GRIA4: variants seen among roughly 807,000 people sequenced by gnomAD.
GRIA4 encodes glutamate receptor 4.
GRIA4 carries 34 observed loss-of-function variants against 104.0 expected under a neutral mutation model. That is an observed-to-expected ratio of 0.33 (90% CI 0.25 to 0.44). The LOEUF (loss-of-function observed/expected upper bound fraction) is 0.44, where lower values mean the gene tolerates loss of function less well. Ranked by LOEUF, GRIA4 falls within the 20% of genes least tolerant of loss-of-function variation. The pLI is 1.00. For missense variants in GRIA4, 750 were observed against 1,096.5 expected, an observed-to-expected ratio of 0.68 and a Z score of 4.46; for synonymous variants, 386 against 381.9, an observed-to-expected ratio of 1.01 and a Z score of -0.13.
Position 105,905,261 on chromosome 11 carries a change from C to A in GRIA4, c.1118C>A (p.Thr373Lys). The change falls in exon 9 of 17, where the codon ACA (threonine) becomes AAA (lysine). Residue 373 changes from threonine to lysine, a missense_variant. Physicochemically the swap from Thr to Lys is moderately conservative, Grantham distance 78. Coordinates refer to ENST00000282499, the MANE Select transcript of GRIA4 (RefSeq NM_000829.4). Reference protein sequence around the residue: ...FDHYGRRVNYTMDVFELKSTG... With the variant: ...FDHYGRRVNYKMDVFELKSTG... Reference sequence around the variant, plus strand: ...CACTATGGACGTAGAGTCAATTACACAATGGATGTGTTTGAGCTGAAAAGC... The same window carrying A: ...CACTATGGACGTAGAGTCAATTACAAAATGGATGTGTTTGAGCTGAAAAGC... 6.2e-7 allele frequency: 1 copy of A among 1,607,214 alleles called. No homozygotes were observed. The highest frequency in any genetic ancestry group is 8.5e-7 in the Non-Finnish European group (1 of 1,173,884).
At chr11:105,658,771 C>A (rs541051384) in intron 3 of GRIA4, among the ~76,000 whole-genome samples, 38 of 151,796 alleles carry the variant, frequency 2.5e-4, no homozygotes, top group African/African-American at 9.2e-4. Context: ...GAGGAAATTT[C>A]TAAGAGATGT....
intron 3 of GRIA4, among the ~76,000 whole-genome samples, chr11:105,690,158 A>G (rs1953033602): frequency 6.6e-6 from 1 of 152,112 alleles, no homozygotes; most frequent in Non-Finnish European, 1.5e-5. Context: ...GAAGAAATGC[A>G]ATGCCTTCCC....
At chr11:105,695,478 C>CTGTG (rs368292284) in intron 3 of GRIA4, among the ~76,000 whole-genome samples, 7 of 135,250 alleles carry the variant, frequency 5.2e-5, no homozygotes, top group African/African-American at 1.7e-4. Context: ...GTGTGTGTGT[C>CTGTG]TGTGTGTGTG....
chr11:105,912,635 C>A, intron 10 of GRIA4: 1 of 644,624 alleles, frequency 1.6e-6, no homozygotes, highest in Non-Finnish European at 1.9e-6. Flanking sequence ...TAGTATAATA[C>A]TAGTATCTTT....
At chr11:105,620,328 C>CTTT (rs1555082382) in intron 3 of GRIA4, among the ~76,000 whole-genome samples, 2 of 151,166 alleles carry the variant, frequency 1.3e-5, no homozygotes, top group African/African-American at 2.4e-5. Flanking sequence ...CAGAAGTAGG[C>CTTT]ATTATTATTA....
At chr11:105,843,829 T>C (rs1565281092) in intron 4 of GRIA4, among the ~76,000 whole-genome samples, 1 of 152,236 alleles carries the variant, frequency 6.6e-6, no homozygotes, top group East Asian at 1.9e-4. Context: ...ACTGCCTGGA[T>C]ACTTAAGACC....
intron 3 of GRIA4, among the ~76,000 whole-genome samples, chr11:105,663,792 T>C (rs1486016692): frequency 1.3e-5 from 2 of 152,044 alleles, no homozygotes; most frequent in East Asian, 1.9e-4. Flanking sequence ...CTGAAGTCAA[T>C]AGTCCATTTA....
In GRIA4 at chr11:105,690,984, G is replaced by A. The variant is rs995182231; in HGVS notation, c.248-61997G>A. 2.0e-5 allele frequency among the ~76,000 whole-genome samples: 3 copies of A among 152,066 alleles called. No individual in the cohort carries two copies. In the East Asian group the frequency reaches 5.8e-4, roughly 29 times the overall value. The stretch of plus-strand genomic sequence containing the variant: ...CATTTCCTCATCTTTAAAATAGGAA[G>A]GGCCAGTTTTTCTTTGGATCCTGAG... On this transcript the variant is annotated intron_variant, in intron 3 of 16. Transcript: ENST00000282499.
intron 3 of GRIA4, among the ~76,000 whole-genome samples, chr11:105,665,252 G>A (rs1453872908): frequency 6.6e-6 from 1 of 151,810 alleles, no homozygotes; most frequent in Non-Finnish European, 1.5e-5. Context: ...ACTTTTTTCA[G>A]TACTGTGTAC....
intron 16 of GRIA4, among the ~76,000 whole-genome samples, chr11:105,978,333 C>T (rs1201481218): frequency 6.9e-6 from 1 of 145,704 alleles, no homozygotes; most frequent in Non-Finnish European, 1.5e-5. Context: ...AATATAAAAA[C>T]TATACATGTT....
intron 16 of GRIA4, 92 bp downstream of exon 16, chr11:105,974,536 C>A: frequency 6.2e-7 from 1 of 1,613,528 alleles, no homozygotes; most frequent in African/African-American, 1.3e-5. Context: ...GTATATGGAA[C>A]CGAAAGTATT....
At chr11:105,634,359 A>G (rs1031196229) in intron 3 of GRIA4, among the ~76,000 whole-genome samples, 1 of 150,308 alleles carries the variant, frequency 6.7e-6, no homozygotes, top group African/African-American at 2.4e-5. Context: ...TCTCCAAAAA[A>G]AAAAAAAAAA....
chr11:105,619,574 A>T (rs1033922151), intron 3 of GRIA4, among the ~76,000 whole-genome samples: 4 of 151,962 alleles, frequency 2.6e-5, no homozygotes, highest in South Asian at 4.1e-4. Flanking sequence ...ATTATTTTTA[A>T]GTCTTAAGAG....
intron 9 of GRIA4, among the ~76,000 whole-genome samples, chr11:105,906,617 A>G (rs2136151996): frequency 6.6e-6 from 1 of 152,308 alleles, no homozygotes; most frequent in East Asian, 1.9e-4. Context: ...CTAGATTTCC[A>G]TCTTCTTAAT....
chr11:105,944,108 T>C (rs1341164868), intron 14 of GRIA4, among the ~76,000 whole-genome samples: 1 of 152,158 alleles, frequency 6.6e-6, no homozygotes, highest in Non-Finnish European at 1.5e-5. Flanking sequence ...ACTAAATAAA[T>C]GGTAATAGTA....
At chr11:105,635,915 T>C (rs182517449) in intron 3 of GRIA4, among the ~76,000 whole-genome samples, 4 of 152,330 alleles carry the variant, frequency 2.6e-5, no homozygotes, top group Middle Eastern at 3.4e-3. Flanking sequence ...TAGGAACTTA[T>C]AGAAGATAAT....
intron 3 of GRIA4, among the ~76,000 whole-genome samples, chr11:105,646,769 T>C: frequency 6.6e-6 from 1 of 152,154 alleles, no homozygotes; most frequent in Non-Finnish European, 1.5e-5. Flanking sequence ...ACCCTTTCCT[T>C]ATACCATATA....
chr11:105,769,282 G>A (rs1941098916), intron 4 of GRIA4, among the ~76,000 whole-genome samples: 1 of 152,082 alleles, frequency 6.6e-6, no homozygotes, highest in Non-Finnish European at 1.5e-5. Flanking sequence ...GCAAGACTGT[G>A]CAGAGTTACA....
intron 11 of GRIA4, among the ~76,000 whole-genome samples, chr11:105,919,136 T>C (rs1175419421): frequency 6.6e-6 from 1 of 152,094 alleles, no homozygotes; most frequent in Non-Finnish European, 1.5e-5. Context: ...AGAAAGAAGA[T>C]AAAAATTCAG....
Sources: allele counts gnomAD v4.1 joint callset (sites outside exome capture counted in the v4.1 genomes callset), GRCh38; gene constraint gnomAD v4.1.1; transcripts MANE v1.5; gene names NCBI Gene and HGNC (gene_info 2026-07-23, HGNC 2026-07-21).